The following CLCC1 variants were observed in gnomAD, a reference collection of about 807,000 sequenced individuals.
CLCC1 encodes the protein chloride channel CLIC like 1, also known as chloride channel CLIC-like protein 1.
A neutral mutation model predicts 63.3 loss-of-function variants in CLCC1; 39 were observed. The observed-to-expected ratio is 0.62, with a 90% confidence interval of 0.48 to 0.81. The LOEUF (loss-of-function observed/expected upper bound fraction) is 0.81. CLCC1 is among the 30% of genes least tolerant of loss of function. The probability of loss-of-function intolerance (pLI) is 0.00; values close to 1 mark genes in which losing one functional copy is unlikely to be tolerated. For synonymous variants in CLCC1, 217 were observed against 239.8 expected, an observed-to-expected ratio of 0.90 and a Z score of 0.88; for missense variants, 549 against 669.4, an observed-to-expected ratio of 0.82 and a Z score of 1.98.
In CLCC1 at chr1:108,929,668, G is replaced by A. The variant is rs757821868; in HGVS notation, c.*2879C>T. The A allele has an allele frequency of 7.5e-6, 12 of 1,605,876 alleles. No individual in the cohort carries two copies. The highest frequency in any genetic ancestry group is 1.0e-5 in the Non-Finnish European group (12 of 1,172,884). On this transcript the variant is annotated 3_prime_UTR_variant, in exon 13 of 13. Coordinates refer to ENST00000369969, the MANE Select transcript of CLCC1 (RefSeq NM_001377458.1). The stretch of plus-strand genomic sequence containing the variant: ...ATAGCTTGGTGCTTTCTTTCCCACA[G>A]TATGTCTTTTAATCTCTCTCATAAA...
intron 2 of CLCC1, among the ~76,000 whole-genome samples, chr1:108,961,427 T>C (rs929351879): frequency 3.9e-5 from 6 of 152,158 alleles, no homozygotes; most frequent in African/African-American, 1.4e-4. Flanking sequence ...GCTAGTTTCG[T>C]TTAATGGTGG....
intron 11 of CLCC1, among the ~76,000 whole-genome samples, chr1:108,935,661 A>G (rs1188199364): frequency 6.6e-6 from 1 of 152,150 alleles, no homozygotes; most frequent in African/African-American, 2.4e-5. Context: ...AGTTACTCAG[A>G]AGGCTGAGGC....
chr1:108,935,030 C>A, intron 11 of CLCC1, 88 bp from the exon 12 acceptor site: 3 of 1,322,378 alleles, frequency 2.3e-6, no homozygotes, highest in Non-Finnish European at 3.1e-6. Flanking sequence ...CACCCAAATC[C>A]GTTGTAGCAA....
At chr1:108,938,658 C>T (rs1653363106) in intron 10 of CLCC1, among the ~76,000 whole-genome samples, 1 of 152,156 alleles carries the variant, frequency 6.6e-6, no homozygotes, top group Admixed American at 6.5e-5. Flanking sequence ...TTAATGTCTG[C>T]TCCTGGATCC....
chr1:108,943,373 C>T (rs1400036054), intron 7 of CLCC1, 102 bp downstream of exon 7: 13 of 1,230,148 alleles, frequency 1.1e-5, no homozygotes, highest in Non-Finnish European at 1.5e-5. Flanking sequence ...TAATCACTGC[C>T]TCCAACCCAC....
intron 2 of CLCC1, among the ~76,000 whole-genome samples, chr1:108,955,550 T>G (rs540360506): frequency 6.6e-6 from 1 of 151,428 alleles, no homozygotes; most frequent in East Asian, 1.9e-4. Flanking sequence ...ATGTGATGGT[T>G]AAGTGTCAAC....
intron 3 of CLCC1, 135 bp downstream of exon 3, chr1:108,950,174 G>T: frequency 1.1e-6 from 1 of 925,862 alleles, no homozygotes; most frequent in Non-Finnish European, 1.6e-6. Flanking sequence ...GATTAACAGT[G>T]TCAAGAAAAT....
chr1:108,934,461 G>A (rs931732275), intron 12 of CLCC1, 164 bp downstream of exon 12: 2 of 538,296 alleles, frequency 3.7e-6, no homozygotes, highest in Non-Finnish European at 6.4e-6. Flanking sequence ...AAATATCAAA[G>A]AGAAGATGAA....
At chr1:108,933,781 G>A (rs984269331) in intron 12 of CLCC1, 1 of 152,172 alleles carries the variant, frequency 6.6e-6, no homozygotes, top group African/African-American at 2.4e-5. Flanking sequence ...CTGCAGTTAA[G>A]GAAGACACCC....
intron 11 of CLCC1, among the ~76,000 whole-genome samples, chr1:108,936,630 C>G (rs1653050246): frequency 6.6e-6 from 1 of 152,200 alleles, no homozygotes; most frequent in Non-Finnish European, 1.5e-5. Flanking sequence ...AAAGTATAGT[C>G]TAGCCAGCCA....
intron 11 of CLCC1, among the ~76,000 whole-genome samples, chr1:108,936,474 T>G (rs950165852): frequency 6.6e-6 from 1 of 152,264 alleles, no homozygotes; most frequent in Non-Finnish European, 1.5e-5. Flanking sequence ...CAGATTCTAT[T>G]ATGCTCATAA....
intron 2 of CLCC1, among the ~76,000 whole-genome samples, chr1:108,951,560 A>G (rs1655180716): frequency 6.6e-6 from 1 of 152,230 alleles, no homozygotes; most frequent in African/African-American, 2.4e-5. Flanking sequence ...AAGACCACAC[A>G]TTATATAAGT....
intron 2 of CLCC1, among the ~76,000 whole-genome samples, chr1:108,954,677 G>C (rs1351095382): frequency 6.6e-6 from 1 of 151,356 alleles, no homozygotes; most frequent in Admixed American, 6.6e-5. Context: ...CAATTCTACA[G>C]ACCTTGGCCT....
At position 108,932,421 on chromosome 1, in the gene CLCC1, C is replaced by T. The variant is rs879500380; in HGVS notation, c.*126G>A. ...AATTTGCTTTCATATTTAAGTCTTTCCTGAATTGCTGTCATCATTCAACAA... is the reference window on the plus strand; with the variant it reads ...AATTTGCTTTCATATTTAAGTCTTTTCTGAATTGCTGTCATCATTCAACAA... On this transcript the variant is annotated 3_prime_UTR_variant, in exon 13 of 13. Transcript: ENST00000369969. 6.6e-6 allele frequency: 1 copy of T among 152,178 alleles called. No homozygotes were observed. The highest frequency in any genetic ancestry group is 1.5e-5 in the Non-Finnish European group (1 of 68,042). 9.4% of individuals were successfully genotyped at this position (152,178 alleles called of 1,614,324 possible). A position where few individuals can be genotyped will look rare whatever the true frequency, so the allele number is the denominator to read the frequency against.
Position 108,931,440 on chromosome 1 carries a change from C to T in CLCC1, c.*1107G>A. 6.4e-7 allele frequency: 1 copy of T among 1,550,914 alleles called. No homozygotes were observed. The highest frequency in any genetic ancestry group is 8.7e-7 in the Non-Finnish European group (1 of 1,147,080). The stretch of plus-strand genomic sequence containing the variant: ...AGACTGCAAAGGCCCACGCTTGGAA[C>T]AAGTTGCCAACTTGTTTCACTCTGC... On this transcript the variant is annotated 3_prime_UTR_variant, in exon 13 of 13. Transcript: ENST00000369969.
At chr1:108,940,180 T>G in intron 8 of CLCC1, 38 bp from the exon 9 acceptor site, 1 of 1,382,522 alleles carries the variant, frequency 7.2e-7, no homozygotes, top group African/African-American at 1.4e-5. Context: ...ATCATTTCTT[T>G]TAATGTTGCA....
At position 108,944,025 on chromosome 1, in the gene CLCC1, A is replaced by G. The variant is rs1333869011; in HGVS notation, c.372T>C (p.Asp124=). The G allele has an allele frequency of 6.2e-7, 1 of 1,608,816 alleles. No homozygotes were observed. The highest frequency in any genetic ancestry group is 1.7e-5 in the Admixed American group (1 of 59,110). ...TTTCTCTTTTAAGGATAATCTCAGC[A>G]TCATAATGCATATCGCCTTTGTTTT... ...PDENKGDMHY[D]AEIILKRETL... is the part of the protein sequence containing the mutation. Residue 124 remains aspartate, a synonymous_variant, in exon 6 of 13, where the codon GAT becomes GAC. Transcript: ENST00000369969.
intron 2 of CLCC1, among the ~76,000 whole-genome samples, chr1:108,954,680 C>G (rs1206881829): frequency 6.6e-6 from 1 of 151,294 alleles, no homozygotes; most frequent in Non-Finnish European, 1.5e-5. Flanking sequence ...TTCTACAGAC[C>G]TTGGCCTACC....
chr1:108,957,754 T>A (rs9308263), intron 2 of CLCC1, among the ~76,000 whole-genome samples: 6,695 of 151,318 alleles, frequency 0.044, 746 homozygotes, highest in African/African-American at 0.15. Flanking sequence ...ATCTGAAGTG[T>A]CCACTGATGT....
Sources: gnomAD v4.1 joint callset for allele counts (sites outside exome capture counted in the v4.1 genomes callset) on GRCh38, gnomAD v4.1.1 for gene constraint, MANE v1.5 for transcripts, NCBI Gene and HGNC (gene_info 2026-07-23, HGNC 2026-07-21) for gene names.